The following AK8 variants were observed in gnomAD, a reference collection of about 807,000 sequenced individuals.
The protein encoded by AK8 is ATP-AMP transphosphorylase 8.
Under a neutral mutation model 54.6 loss-of-function variants are expected in AK8, and 44 were observed. The ratio of observed to expected loss-of-function variants is 0.81; its 90% CI spans 0.63 to 1.04. AK8 has a LOEUF of 1.04. Among genes scored for constraint, AK8 ranks in the 50% least tolerant of loss-of-function variants. AK8 has a pLI of 0.00. For synonymous variants in AK8, 239 were observed against 245.6 expected (o/e 0.97, Z 0.25); for missense variants, 555 against 613.6 (o/e 0.90, Z 1.01).
chr9:132,779,307 C>T (rs1412226372), intron 11 of AK8, among the ~76,000 whole-genome samples: 4 of 152,126 alleles, frequency 2.6e-5, no homozygotes, highest in Admixed American at 2.6e-4. Context: ...GCTGTGTGTG[C>T]TTTATTTATT....
chr9:132,753,595 C>T (rs980184996), intron 11 of AK8, among the ~76,000 whole-genome samples: 3 of 152,242 alleles, frequency 2.0e-5, no homozygotes, highest in Non-Finnish European at 4.4e-5. Context: ...GCCCCTGGCA[C>T]AGGCTCAGGC....
At chr9:132,833,286 G>C (rs1159301157) in intron 5 of AK8, among the ~76,000 whole-genome samples, 3 of 152,220 alleles carry the variant, frequency 2.0e-5, no homozygotes, top group Non-Finnish European at 4.4e-5. Flanking sequence ...AGCAATTTTG[G>C]CTGGGAGGAC....
chr9:132,824,314 G>T (rs1841784829), intron 8 of AK8, among the ~76,000 whole-genome samples: 1 of 152,176 alleles, frequency 6.6e-6, no homozygotes, highest in South Asian at 2.1e-4. Flanking sequence ...TCCCCCTCCT[G>T]CCAAGGCCCC....
At chr9:132,801,519 C>T (rs1840456865) in intron 10 of AK8, among the ~76,000 whole-genome samples, 1 of 152,176 alleles carries the variant, frequency 6.6e-6, no homozygotes, top group Non-Finnish European at 1.5e-5. Context: ...CACTGCAGAT[C>T]AAAGCATTTA....
rs78756604 is a variant in AK8, at chr9:132,838,580, T to C, written c.403-9854A>G. Among the ~76,000 whole-genome samples, 643 of 152,320 alleles carry C rather than the reference T, an allele frequency of 4.2e-3. 7 individuals are homozygous for C. The highest frequency in any genetic ancestry group is 0.014 in the African/African-American group (591 of 41,564). On this transcript the variant is annotated intron_variant, in intron 5 of 12. Transcript: ENST00000298545. The stretch of plus-strand genomic sequence containing the variant: ...GCATCTGATGATGGCATTCTTACTG[T>C]AGCTCCAGGAGGAAGATTATGCAGA...
At chr9:132,855,166 C>T (rs1371824441) in intron 4 of AK8, among the ~76,000 whole-genome samples, 1 of 152,148 alleles carries the variant, frequency 6.6e-6, no homozygotes, top group East Asian at 1.9e-4. Context: ...AACATGCCCT[C>T]GCCCACCTCC....
intron 11 of AK8, among the ~76,000 whole-genome samples, chr9:132,745,355 T>TCGACTTTA (rs1468757993): frequency 3.3e-5 from 5 of 152,164 alleles, no homozygotes. Flanking sequence ...GGCTAATTGC[T>TCGACTTTA]CGACTTTACG....
chr9:132,817,913 T>C (rs1252610111), intron 9 of AK8, among the ~76,000 whole-genome samples: 2 of 152,200 alleles, frequency 1.3e-5, no homozygotes, highest in Non-Finnish European at 2.9e-5. Context: ...CACACTTCGA[T>C]ACATCGTAGT....
chr9:132,751,462 A>C (rs1385740757), intron 11 of AK8, among the ~76,000 whole-genome samples: 1 of 150,326 alleles, frequency 6.7e-6, no homozygotes, highest in Non-Finnish European at 1.5e-5. Context: ...CCAGCTGAGA[A>C]GCCTGCAACA....
At chr9:132,846,106 T>A (rs984803561) in intron 5 of AK8, among the ~76,000 whole-genome samples, 1 of 152,204 alleles carries the variant, frequency 6.6e-6, no homozygotes, top group Non-Finnish European at 1.5e-5. Flanking sequence ...GAATCCAGAA[T>A]GCTTACCCAC....
intron 2 of AK8, among the ~76,000 whole-genome samples, chr9:132,869,922 G>T (rs1843744330): frequency 6.6e-6 from 1 of 152,124 alleles, no homozygotes; most frequent in Non-Finnish European, 1.5e-5. Flanking sequence ...GGAGCAGTGG[G>T]GAACCTGGGT....
At chr9:132,758,443 T>G (rs926490274) in intron 11 of AK8, among the ~76,000 whole-genome samples, 2 of 152,262 alleles carry the variant, frequency 1.3e-5, no homozygotes, top group Middle Eastern at 3.4e-3. Context: ...TTTTCTTTTT[T>G]TTTGTTTGTT....
intron 10 of AK8, among the ~76,000 whole-genome samples, chr9:132,808,874 T>C (rs963848228): frequency 2.6e-5 from 4 of 151,880 alleles, no homozygotes; most frequent in Admixed American, 6.6e-5. Context: ...GGGAAGGAGG[T>C]CCAGTACCCA....
intron 5 of AK8, among the ~76,000 whole-genome samples, chr9:132,836,384 C>T (rs1001751101): frequency 3.3e-5 from 5 of 152,110 alleles, no homozygotes; most frequent in Admixed American, 2.6e-4. Context: ...GAAAGGTGAA[C>T]GATCTTCTTT....
At chr9:132,805,759 G>C (rs958746685) in intron 10 of AK8, among the ~76,000 whole-genome samples, 30 of 152,004 alleles carry the variant, frequency 2.0e-4, no homozygotes, top group African/African-American at 7.3e-4. Flanking sequence ...CTTTTACCCT[G>C]CCACTCTGCT....
At chr9:132,814,173 G>T (rs1166445406) in intron 10 of AK8, among the ~76,000 whole-genome samples, 1 of 150,790 alleles carries the variant, frequency 6.6e-6, no homozygotes. Context: ...CAGCTACTTG[G>T]GAGGCTGAGG....
chr9:132,849,265 A>T (rs1384418259), intron 5 of AK8, among the ~76,000 whole-genome samples: 1 of 152,144 alleles, frequency 6.6e-6, no homozygotes, highest in African/African-American at 2.4e-5. Context: ...TTCATGATCA[A>T]TGTGAAAGTG....
chr9:132,769,544 T>C (rs1838868488), intron 11 of AK8: 1 of 151,996 alleles, frequency 6.6e-6, no homozygotes, highest in Non-Finnish European at 1.5e-5. Context: ...AAAGAGCAAA[T>C]GTCCAAGGAA....
At chr9:132,759,247 C>T (rs115428316) in intron 11 of AK8, among the ~76,000 whole-genome samples, 1,726 of 150,716 alleles carry the variant, frequency 0.011, 37 homozygotes, top group African/African-American at 0.04. Flanking sequence ...GGTTTTAGCA[C>T]ACTCCCAGAA....
Sources: gnomAD v4.1 joint callset for allele counts (sites outside exome capture counted in the v4.1 genomes callset) on GRCh38, gnomAD v4.1.1 for gene constraint, MANE v1.5 for transcripts, NCBI Gene and HGNC (gene_info 2026-07-23, HGNC 2026-07-21) for gene names.